GABRB1: variants seen among roughly 807,000 people sequenced by gnomAD.
The protein encoded by GABRB1 is gamma-aminobutyric acid receptor subunit beta-1.
GABRB1 carries 17 observed loss-of-function variants against 51.6 expected under a neutral mutation model. The observed-to-expected ratio is 0.33, with a 90% CI of 0.23 to 0.49. The LOEUF (loss-of-function observed/expected upper bound fraction) is 0.49, where lower values mean the gene tolerates loss of function less well. Ranked by LOEUF, GABRB1 falls within the 20% of genes least tolerant of loss-of-function variation. The probability of loss-of-function intolerance (pLI) is 0.99; values close to 1 mark genes in which losing one functional copy is unlikely to be tolerated. For missense variants in GABRB1, 410 were observed against 600.6 expected (o/e 0.68, Z 3.32); for synonymous variants, 247 against 218.9 (o/e 1.13, Z -1.14).
chr4:47,264,848 T>A (rs1413681741), intron 4 of GABRB1, among the ~76,000 whole-genome samples: 1 of 152,234 alleles, frequency 6.6e-6, no homozygotes, highest in Non-Finnish European at 1.5e-5. Context: ...ACCACTGATC[T>A]GCTTTTTGTC....
At chr4:47,421,063 C>T (rs977851505) in intron 8 of GABRB1, among the ~76,000 whole-genome samples, 1 of 151,962 alleles carries the variant, frequency 6.6e-6, no homozygotes, top group African/African-American at 2.4e-5. Flanking sequence ...TATATAGCTA[C>T]TTTAAAAATT....
intron 4 of GABRB1, among the ~76,000 whole-genome samples, chr4:47,244,465 C>G (rs1005516382): frequency 1.3e-5 from 2 of 152,172 alleles, no homozygotes; most frequent in Non-Finnish European, 2.9e-5. Flanking sequence ...ATGGTACCAG[C>G]TCCTCTTTGT....
At chr4:47,365,633 C>T (rs114753482) in intron 5 of GABRB1, among the ~76,000 whole-genome samples, 1,643 of 152,130 alleles carry the variant, frequency 0.011, 28 homozygotes, top group African/African-American at 0.037. Flanking sequence ...TTGTTTACTC[C>T]GTGTCTTCTG....
At chr4:47,339,272 C>T (rs1725801458) in intron 5 of GABRB1, among the ~76,000 whole-genome samples, 1 of 152,050 alleles carries the variant, frequency 6.6e-6, no homozygotes, top group Non-Finnish European at 1.5e-5. Flanking sequence ...TTATGAAAAG[C>T]CAATAACACT....
intron 5 of GABRB1, among the ~76,000 whole-genome samples, chr4:47,381,957 T>A (rs577044710): frequency 6.6e-6 from 1 of 152,290 alleles, no homozygotes; most frequent in South Asian, 2.1e-4. Context: ...TCCTCCCCCC[T>A]CCAAGTAGTG....
At chr4:47,209,461 C>A (rs1036778504) in intron 4 of GABRB1, among the ~76,000 whole-genome samples, 2 of 152,052 alleles carry the variant, frequency 1.3e-5, no homozygotes, top group Non-Finnish European at 2.9e-5. Flanking sequence ...ATTCAGTAAT[C>A]CATTGTTGTT....
chr4:47,183,980 T>C (rs958027634), intron 4 of GABRB1, among the ~76,000 whole-genome samples: 15 of 151,956 alleles, frequency 9.9e-5, no homozygotes, highest in Non-Finnish European at 1.5e-4. Flanking sequence ...CTTCACTTTG[T>C]TACTCCAGTT....
At chr4:47,048,213 A>G (rs1726184149) in intron 3 of GABRB1, among the ~76,000 whole-genome samples, 1 of 152,156 alleles carries the variant, frequency 6.6e-6, no homozygotes, top group South Asian at 2.1e-4. Context: ...ATTCAGTCAT[A>G]ACCACACATT....
At chr4:47,413,929 G>A (rs1301523371) in intron 8 of GABRB1, among the ~76,000 whole-genome samples, 1 of 152,120 alleles carries the variant, frequency 6.6e-6, no homozygotes, top group Non-Finnish European at 1.5e-5. Context: ...AAATAGAGAT[G>A]GTATTTAGAG....
At chr4:47,004,134 G>A (rs1214272088) in intron 1 of GABRB1, among the ~76,000 whole-genome samples, 3 of 151,874 alleles carry the variant, frequency 2.0e-5, no homozygotes, top group African/African-American at 2.4e-5. Context: ...GACTACAGGC[G>A]CGTCCCACCA....
At chr4:47,071,209 C>T (rs1489663892) in intron 3 of GABRB1, among the ~76,000 whole-genome samples, 1 of 152,160 alleles carries the variant, frequency 6.6e-6, no homozygotes, top group East Asian at 1.9e-4. Flanking sequence ...ATTGCTATTG[C>T]TATTGTCTAA....
At chr4:47,019,636 T>TTTCTTTCC (rs1694714447) in intron 1 of GABRB1, among the ~76,000 whole-genome samples, 1 of 125,408 alleles carries the variant, frequency 8.0e-6, no homozygotes, top group African/African-American at 3.4e-5. Context: ...TCTTTCTTTC[T>TTTCTTTCC]TTCTTTCTTT....
intron 4 of GABRB1, among the ~76,000 whole-genome samples, chr4:47,267,257 A>G (rs1722672340): frequency 6.6e-6 from 1 of 152,138 alleles, no homozygotes; most frequent in South Asian, 2.1e-4. Context: ...ATGAGACTTT[A>G]TACATAAAAC....
At chr4:47,229,656 G>A (rs1299231570) in intron 4 of GABRB1, among the ~76,000 whole-genome samples, 1 of 152,012 alleles carries the variant, frequency 6.6e-6, no homozygotes, top group African/African-American at 2.4e-5. Flanking sequence ...ATGATTCTTC[G>A]AGTTTATCCT....
At chr4:47,197,927 A>G (rs1371808848) in intron 4 of GABRB1, among the ~76,000 whole-genome samples, 2 of 152,202 alleles carry the variant, frequency 1.3e-5, no homozygotes, top group African/African-American at 4.8e-5. Context: ...TATTCTTCCC[A>G]GTATAAAATG....
chr4:47,044,859 C>T (rs1299894354), intron 3 of GABRB1, among the ~76,000 whole-genome samples: 2 of 152,064 alleles, frequency 1.3e-5, no homozygotes, highest in Non-Finnish European at 2.9e-5. Flanking sequence ...AAAATAATTT[C>T]CCCCTCTTCC....
At chr4:47,121,101 C>T (rs138330865) in intron 3 of GABRB1, among the ~76,000 whole-genome samples, 9 of 152,206 alleles carry the variant, frequency 5.9e-5, no homozygotes, top group African/African-American at 1.9e-4. Context: ...CACTTTAGTC[C>T]TTGGTGGCAA....
chr4:47,138,844 G>A (rs2109688659), intron 3 of GABRB1, among the ~76,000 whole-genome samples: 1 of 152,134 alleles, frequency 6.6e-6, no homozygotes, highest in African/African-American at 2.4e-5. Context: ...ATTAGAGTGG[G>A]TAAATTTTCT....
chr4:47,143,707 C>T (rs1717031447), intron 3 of GABRB1, among the ~76,000 whole-genome samples: 1 of 151,780 alleles, frequency 6.6e-6, no homozygotes. Flanking sequence ...CTCTTTTGGT[C>T]ACCACATTCT....
Sources: allele counts gnomAD v4.1 joint callset (sites outside exome capture counted in the v4.1 genomes callset), GRCh38; gene constraint gnomAD v4.1.1; transcripts MANE v1.5; gene names NCBI Gene and HGNC (gene_info 2026-07-23, HGNC 2026-07-21).